The following CTDSPL2 variants were observed in gnomAD, a reference collection of about 807,000 sequenced individuals.
CTDSPL2 encodes the protein CTD small phosphatase-like protein 2.
CTDSPL2 carries 5 observed loss-of-function variants against 60.0 expected under a neutral mutation model. The observed-to-expected ratio is 0.08, with a 90% CI of 0.04 to 0.18. CTDSPL2 has a LOEUF of 0.18. Ranked by LOEUF, CTDSPL2 falls within the 10% of genes least tolerant of loss-of-function variation. CTDSPL2 has a pLI of 1.00. For missense variants in CTDSPL2, 370 were observed against 548.8 expected, an observed-to-expected ratio of 0.67 and a Z score of 3.26; for synonymous variants, 186 against 189.3, an observed-to-expected ratio of 0.98 and a Z score of 0.14.
At chr15:44,506,281 C>T (rs1005522369) in intron 8 of CTDSPL2, among the ~76,000 whole-genome samples, 4 of 151,880 alleles carry the variant, frequency 2.6e-5, no homozygotes, top group African/African-American at 7.3e-5. Flanking sequence ...CTGCCCACCT[C>T]GGCCTCCCAA....
intron 8 of CTDSPL2, among the ~76,000 whole-genome samples, chr15:44,509,799 G>A (rs895643332): frequency 6.6e-6 from 1 of 151,778 alleles, no homozygotes; most frequent in Non-Finnish European, 1.5e-5. Flanking sequence ...GGTGGCATGC[G>A]CCTATAGCCC....
At chr15:44,449,174 T>A (rs531373078) in intron 1 of CTDSPL2, 1 of 297,642 alleles carries the variant, frequency 3.4e-6, no homozygotes, top group African/African-American at 2.3e-5. Flanking sequence ...GTCTCATATC[T>A]GTTCCACCAG....
chr15:44,495,780 A>G (rs1200357694), intron 5 of CTDSPL2, among the ~76,000 whole-genome samples: 1 of 151,918 alleles, frequency 6.6e-6, no homozygotes, highest in Non-Finnish European at 1.5e-5. Flanking sequence ...CCAAAAATAC[A>G]AAAATCAGCC....
At chr15:44,433,526 G>A (rs1446263508) in intron 1 of CTDSPL2, among the ~76,000 whole-genome samples, 3 of 150,804 alleles carry the variant, frequency 2.0e-5, no homozygotes, top group South Asian at 2.1e-4. Flanking sequence ...TCTGTTGCCC[G>A]GGCTGGAGTG....
chr15:44,465,143 A>G (rs1191683730), intron 2 of CTDSPL2, among the ~76,000 whole-genome samples: 1 of 152,172 alleles, frequency 6.6e-6, no homozygotes, highest in African/African-American at 2.4e-5. Flanking sequence ...TCTCTCAAAT[A>G]CAGATTTTGT....
intron 1 of CTDSPL2, among the ~76,000 whole-genome samples, chr15:44,441,178 A>G (rs909313658): frequency 6.6e-6 from 1 of 152,134 alleles, no homozygotes; most frequent in Non-Finnish European, 1.5e-5. Flanking sequence ...TCTTTGGTAT[A>G]AGACCCTGGG....
chr15:44,428,678 A>G (rs1342426625), intron 1 of CTDSPL2, among the ~76,000 whole-genome samples: 1 of 152,240 alleles, frequency 6.6e-6, no homozygotes, highest in Non-Finnish European at 1.5e-5. Context: ...GTAACGCAGT[A>G]CCAAGATGAA....
intron 8 of CTDSPL2, among the ~76,000 whole-genome samples, chr15:44,513,562 G>C (rs551600093): frequency 6.6e-6 from 1 of 152,202 alleles, no homozygotes; most frequent in East Asian, 1.9e-4. Context: ...TTTGTCATGG[G>C]GGCATTTTTG....
At chr15:44,505,820 T>C (rs886254853) in intron 8 of CTDSPL2, among the ~76,000 whole-genome samples, 3 of 151,976 alleles carry the variant, frequency 2.0e-5, no homozygotes, top group Non-Finnish European at 4.4e-5. Flanking sequence ...GGTGTGACAG[T>C]TGATTACATT....
At chr15:44,461,148 A>G (rs1290541718) in intron 2 of CTDSPL2, among the ~76,000 whole-genome samples, 2 of 152,210 alleles carry the variant, frequency 1.3e-5, no homozygotes, top group Admixed American at 1.3e-4. Flanking sequence ...TATTCATGAA[A>G]GATAAAAACC....
intron 1 of CTDSPL2, among the ~76,000 whole-genome samples, chr15:44,456,673 A>G (rs1353138840): frequency 2.0e-5 from 3 of 151,622 alleles, no homozygotes; most frequent in African/African-American, 4.8e-5. Flanking sequence ...CAATTTTGTT[A>G]ATCTTTTCAA....
intron 8 of CTDSPL2, among the ~76,000 whole-genome samples, chr15:44,501,560 A>G (rs547312786): frequency 3.9e-5 from 6 of 152,262 alleles, no homozygotes; most frequent in African/African-American, 1.4e-4. Flanking sequence ...AGCAGCATAT[A>G]TGACTAATTA....
At chr15:44,509,928 AAT>A (rs147360753) in intron 8 of CTDSPL2, among the ~76,000 whole-genome samples, 15 of 150,126 alleles carry the variant, frequency 1.0e-4, no homozygotes, top group Non-Finnish European at 7.4e-5. Context: ...TCCATTTAAA[AAT>A]ATATATATAT....
At position 44,433,537 on chromosome 15, in the gene CTDSPL2, C is replaced by T. The variant is rs142914663; in HGVS notation, c.-25+5765C>T. ...TCACTCTGTTGCCCGGGCTGGAGTGCAGTGGCACGATCTCAGCTCACTGCA... is the reference window on the plus strand; with the variant it reads ...TCACTCTGTTGCCCGGGCTGGAGTGTAGTGGCACGATCTCAGCTCACTGCA... On this transcript the variant is annotated intron_variant, in intron 1 of 12. Transcript: ENST00000260327. 5.7e-3 allele frequency among the ~76,000 whole-genome samples: 868 copies of T among 151,816 alleles called. 9 individuals carry two copies. Among genetic ancestry groups the T allele is most frequent in the African/African-American group, 0.02 (838 of 41,434 alleles).
chr15:44,493,791 C>A (rs1038043208), intron 5 of CTDSPL2, among the ~76,000 whole-genome samples: 10 of 152,012 alleles, frequency 6.6e-5, no homozygotes, highest in Non-Finnish European at 1.3e-4. Flanking sequence ...CAAAGTGAGA[C>A]CTGTCTCAAA....
chr15:44,474,570 A>G (rs2080876954), intron 2 of CTDSPL2, among the ~76,000 whole-genome samples: 1 of 151,992 alleles, frequency 6.6e-6, no homozygotes, highest in East Asian at 1.9e-4. Context: ...TAAAGAATGC[A>G]ATGGGCCAGG....
chr15:44,449,752 G>A (rs527530734), intron 1 of CTDSPL2, among the ~76,000 whole-genome samples: 49 of 152,226 alleles, frequency 3.2e-4, no homozygotes, highest in African/African-American at 1.1e-3. Flanking sequence ...CACTTTGGGA[G>A]GCTGAGAAGG....
At chr15:44,503,899 A>G (rs2081416733) in intron 8 of CTDSPL2, 1 of 152,240 alleles carries the variant, frequency 6.6e-6, no homozygotes, top group Non-Finnish European at 1.5e-5. Context: ...TACTTGTAAA[A>G]GATGCTTTGT....
intron 1 of CTDSPL2, among the ~76,000 whole-genome samples, chr15:44,432,820 C>T (rs1444862364): frequency 2.6e-5 from 4 of 151,758 alleles, no homozygotes; most frequent in Admixed American, 2.0e-4. Flanking sequence ...AGGGTTTCAC[C>T]ATGTTGGCCA....
Sources: allele counts gnomAD v4.1 joint callset (sites outside exome capture counted in the v4.1 genomes callset), GRCh38; gene constraint gnomAD v4.1.1; transcripts MANE v1.5; gene names NCBI Gene and HGNC (gene_info 2026-07-23, HGNC 2026-07-21).